Variants in LYPLA1 observed in about 807,000 individuals in gnomAD.
LYPLA1 encodes the protein acyl-protein thioesterase 1.
Under a neutral mutation model 34.0 loss-of-function variants are expected in LYPLA1, and 17 were observed. The ratio of observed to expected loss-of-function variants is 0.50; its 90% CI spans 0.34 to 0.75. The LOEUF is 0.75. Among genes scored for constraint, LYPLA1 ranks in the 30% least tolerant of loss-of-function variants. The pLI, the probability that LYPLA1 is intolerant of heterozygous loss-of-function variation, is 0.01. For synonymous variants in LYPLA1, 98 were observed against 100.8 expected, an observed-to-expected ratio of 0.97 and a Z score of 0.17; for missense variants, 203 against 288.8, an observed-to-expected ratio of 0.70 and a Z score of 2.15.
chr8:54,094,612 T>C (rs1166976213), intron 2 of LYPLA1, among the ~76,000 whole-genome samples: 1 of 152,214 alleles, frequency 6.6e-6, no homozygotes, highest in African/African-American at 2.4e-5. Context: ...TATTCTTAGC[T>C]CTGTCCACTG....
At chr8:54,060,500 CCATAAT>C (rs1488798044) in intron 5 of LYPLA1, among the ~76,000 whole-genome samples, 1 of 151,974 alleles carries the variant, frequency 6.6e-6, no homozygotes, top group Non-Finnish European at 1.5e-5. Context: ...ACTAGAATTA[CCATAAT>C]CATAAAGGAG....
intron 2 of LYPLA1, among the ~76,000 whole-genome samples, chr8:54,078,231 C>A (rs1182434160): frequency 6.6e-6 from 1 of 152,094 alleles, no homozygotes; most frequent in Non-Finnish European, 1.5e-5. Context: ...GGATTACAAG[C>A]GTGAGCCACC....
chr8:54,045,200 C>T (rs920960018), downstream of LYPLA1, among the ~76,000 whole-genome samples: 18 of 151,898 alleles, frequency 1.2e-4, no homozygotes, highest in Admixed American at 6.6e-5. Flanking sequence ...AGTATAGTGC[C>T]CAGCATATAT....
In LYPLA1 at chr8:54,055,117, A is replaced by G. The variant is rs759011878; in HGVS notation, c.303T>C (p.Asp101=). 1 of 1,607,364 alleles carries G rather than the reference A, an allele frequency of 6.2e-7. No individual in the cohort carries two copies. Among genetic ancestry groups the G allele is most frequent in the Non-Finnish European group, 8.5e-7 (1 of 1,174,552 alleles). ...AAGGAATGCCATTCTTCACTTCTTG[A>G]TCAATCAAAGCTTTTACTAAAAACA... is the stretch of plus-strand genomic sequence containing the variant. The part of the protein sequence containing the change: ...QAAENIKALI[D]QEVKNGIPSN... Residue 101 remains aspartate, a synonymous_variant, in exon 6 of 9, where the codon GAT becomes GAC. Transcript: ENST00000316963.
chr8:54,046,482 T>TA lies in LYPLA1; in HGVS notation c.*1582dup, dbSNP rs1805495354. 1.3e-5 allele frequency: 2 copies of TA among 152,646 alleles called. No individual in the cohort carries two copies. Among genetic ancestry groups the TA allele is most frequent in the Non-Finnish European group, 2.9e-5 (2 of 68,030 alleles). 9.5% of individuals were successfully genotyped at this position (152,646 alleles called of 1,614,324 possible). A position where few individuals can be genotyped will look rare whatever the true frequency, so the allele number is the denominator to read the frequency against. On this transcript the variant is annotated 3_prime_UTR_variant, in exon 9 of 9. Coordinates refer to ENST00000316963, the MANE Select transcript of LYPLA1 (RefSeq NM_006330.4). ...ATGGAATATTTCTTGCCATAAATAATATCTTGCTGATTTGTAGAAGTGAAA... is the reference window on the plus strand; with the variant it reads ...ATGGAATATTTCTTGCCATAAATAATAATCTTGCTGATTTGTAGAAGTGAAA...
At chr8:54,075,362 C>G (rs1807810401) in intron 2 of LYPLA1, among the ~76,000 whole-genome samples, 2 of 152,304 alleles carry the variant, frequency 1.3e-5, no homozygotes, top group South Asian at 4.1e-4. Flanking sequence ...GATTTGGATA[C>G]CATCAAGACA....
chr8:54,087,891 A>G (rs1005318713), intron 2 of LYPLA1, among the ~76,000 whole-genome samples: 3 of 152,218 alleles, frequency 2.0e-5, no homozygotes, highest in Non-Finnish European at 4.4e-5. Context: ...ACACCGAACA[A>G]AGGAGACAGA....
Position 54,100,888 on chromosome 8 carries a change from TTAA to T in LYPLA1, c.101+17_101+19del, listed in dbSNP as rs1438261845. 5 of 1,596,830 alleles carry T rather than the reference TTAA, an allele frequency of 3.1e-6. No individual in the cohort carries two copies. The highest frequency in any genetic ancestry group is 3.4e-6 in the Non-Finnish European group (4 of 1,164,738). On this transcript the variant is annotated intron_variant, in intron 2 of 8. Coordinates refer to ENST00000316963, the MANE Select transcript of LYPLA1 (RefSeq NM_006330.4). ...TGACCCAGTTTCATTACTGTTACTA[TTAA>T]TAATAATGGTACCTACCCAGTATCT...
At chr8:54,081,973 G>A (rs1300466373) in intron 2 of LYPLA1, among the ~76,000 whole-genome samples, 7 of 151,820 alleles carry the variant, frequency 4.6e-5, no homozygotes, top group South Asian at 2.1e-4. Context: ...CAGGTGATCC[G>A]CCCGCCTCCA....
chr8:54,052,806 G>T, intron 6 of LYPLA1, 50 bp from the exon 7 acceptor site: 1 of 1,109,604 alleles, frequency 9.0e-7, no homozygotes, highest in Non-Finnish European at 1.4e-6. Context: ...CTTGCCCACA[G>T]CAATTTAGGG....
At chr8:54,069,268 G>GA (rs1272492572) in intron 2 of LYPLA1, among the ~76,000 whole-genome samples, 1 of 152,198 alleles carries the variant, frequency 6.6e-6, no homozygotes, top group African/African-American at 2.4e-5. Context: ...ACAATGCAAA[G>GA]AAACGATAAA....
intron 5 of LYPLA1, among the ~76,000 whole-genome samples, chr8:54,055,648 T>TA (rs1563569760): frequency 6.7e-6 from 1 of 149,438 alleles, no homozygotes; most frequent in African/African-American, 2.5e-5. Flanking sequence ...CCTAATTATT[T>TA]TTTTTTTTTT....
intron 2 of LYPLA1, among the ~76,000 whole-genome samples, chr8:54,099,685 CT>C (rs987516014): frequency 1.3e-5 from 2 of 151,948 alleles, no homozygotes; most frequent in Non-Finnish European, 2.9e-5. Context: ...AAAATCTAGC[CT>C]AATGGCATTT....
intron 2 of LYPLA1, among the ~76,000 whole-genome samples, chr8:54,067,889 G>A (rs1807191183): frequency 6.6e-6 from 1 of 151,566 alleles, no homozygotes; most frequent in Non-Finnish European, 1.5e-5. Context: ...GGGTTTTACT[G>A]TGTTAGCCAG....
At chr8:54,057,882 A>G (rs1806326227) in intron 5 of LYPLA1, among the ~76,000 whole-genome samples, 1 of 152,202 alleles carries the variant, frequency 6.6e-6, no homozygotes. Flanking sequence ...TGCTTATTTC[A>G]CATTGCATCC....
At chr8:54,062,700 T>C (rs966800137) in intron 4 of LYPLA1, among the ~76,000 whole-genome samples, 8 of 151,992 alleles carry the variant, frequency 5.3e-5, no homozygotes, top group Admixed American at 6.6e-5. Flanking sequence ...TTAGTAGACA[T>C]GGGGTTTCAC....
Position 54,077,743 on chromosome 8 carries a change from A to G in LYPLA1, c.102-11930T>C, listed in dbSNP as rs138472459. On this transcript the variant is annotated intron_variant, in intron 2 of 8. Coordinates refer to ENST00000316963, the MANE Select transcript of LYPLA1 (RefSeq NM_006330.4). ...AACTTTTAAAAAGAGCTGGACACAGAAGATATACATATAATACCATTTATC... is the reference window on the plus strand; with the variant it reads ...AACTTTTAAAAAGAGCTGGACACAGGAGATATACATATAATACCATTTATC... 2.1e-3 allele frequency among the ~76,000 whole-genome samples: 317 copies of G among 152,366 alleles called. 1 individual carries two copies. Among genetic ancestry groups the G allele is most frequent in the African/African-American group, 7.2e-3 (300 of 41,588 alleles).
chr8:54,063,265 C>T, intron 4 of LYPLA1, 63 bp downstream of exon 4: 1 of 1,060,766 alleles, frequency 9.4e-7, no homozygotes, highest in South Asian at 1.6e-5. Flanking sequence ...TACACAAAAG[C>T]ATTTCTGATA....
chr8:54,079,957 G>A (rs912797284), intron 2 of LYPLA1, among the ~76,000 whole-genome samples: 34 of 151,940 alleles, frequency 2.2e-4, no homozygotes, highest in East Asian at 1.9e-4. Context: ...TAAGTATATC[G>A]TTACTATATT....
Sources: allele counts gnomAD v4.1 joint callset (sites outside exome capture counted in the v4.1 genomes callset), GRCh38; gene constraint gnomAD v4.1.1; transcripts MANE v1.5; gene names NCBI Gene and HGNC (gene_info 2026-07-23, HGNC 2026-07-21).